MAK: variants seen among roughly 807,000 people sequenced by gnomAD.
MAK encodes serine/threonine-protein kinase MAK.
Under a neutral mutation model 82.6 loss-of-function variants are expected in MAK, and 65 were observed. The ratio of observed to expected loss-of-function variants is 0.79; its 90% CI spans 0.64 to 0.97. The LOEUF (loss-of-function observed/expected upper bound fraction) is 0.97. MAK is among the 50% of genes least tolerant of loss of function. The probability of loss-of-function intolerance (pLI) is 0.00; values close to 1 mark genes in which losing one functional copy is unlikely to be tolerated. For missense variants in MAK, 703 were observed against 780.2 expected (o/e 0.90, Z 1.18); for synonymous variants, 250 against 274.2 (o/e 0.91, Z 0.87).
At chr6:10,771,655 A>G (rs542719058) in intron 13 of MAK, among the ~76,000 whole-genome samples, 1 of 152,360 alleles carries the variant, frequency 6.6e-6, no homozygotes, top group Admixed American at 6.5e-5. Flanking sequence ...CTCTCACGGC[A>G]TATCAGGCTT....
chr6:10,791,580 T>C (rs1298558785), intron 10 of MAK, 95 bp downstream of exon 10: 26 of 1,222,386 alleles, frequency 2.1e-5, no homozygotes, highest in Non-Finnish European at 3.5e-6. Context: ...TAAGCAAACT[T>C]TTCTTCTTTT....
At chr6:10,781,307 A>G (rs372051588) in intron 11 of MAK, among the ~76,000 whole-genome samples, 14 of 152,304 alleles carry the variant, frequency 9.2e-5, no homozygotes, top group African/African-American at 3.4e-4. Context: ...TCTCACTTTC[A>G]AGAATCAAAG....
intron 10 of MAK, among the ~76,000 whole-genome samples, chr6:10,785,241 G>A (rs1028965456): frequency 6.6e-6 from 1 of 152,116 alleles, no homozygotes; most frequent in African/African-American, 2.4e-5. Context: ...GCTTAGTTCT[G>A]TCTCATTCCC....
chr6:10,837,689 C>T (rs1779240128), intron 1 of MAK, among the ~76,000 whole-genome samples: 1 of 152,230 alleles, frequency 6.6e-6, no homozygotes, highest in Admixed American at 6.5e-5. Context: ...TTGCATACAG[C>T]TCTTTCCTTG....
chr6:10,803,983 C>T, intron 6 of MAK, 92 bp from the exon 7 acceptor site: 2 of 1,081,268 alleles, frequency 1.8e-6, no homozygotes, highest in Non-Finnish European at 2.8e-6. Context: ...CATGCATTTC[C>T]ATCAAGGAAC....
chr6:10,765,021 G>A (rs145383524), intron 14 of MAK, among the ~76,000 whole-genome samples: 252 of 151,784 alleles, frequency 1.7e-3, no homozygotes, highest in African/African-American at 5.6e-3. Context: ...ACTTGAACCC[G>A]GGAGGCAGTG....
chr6:10,837,670 T>C (rs1262242090), intron 1 of MAK, among the ~76,000 whole-genome samples: 1 of 152,264 alleles, frequency 6.6e-6, no homozygotes, highest in Admixed American at 6.5e-5. Flanking sequence ...AACGATTATC[T>C]AACCACATTT....
intron 6 of MAK, among the ~76,000 whole-genome samples, chr6:10,806,263 C>T (rs1561977638): frequency 6.6e-6 from 1 of 151,828 alleles, no homozygotes; most frequent in African/African-American, 2.4e-5. Flanking sequence ...CAACCTCCAC[C>T]TCCCGGGTTC....
chr6:10,789,726 C>T (rs755619671), intron 10 of MAK, among the ~76,000 whole-genome samples: 1 of 152,316 alleles, frequency 6.6e-6, no homozygotes, highest in Non-Finnish European at 1.5e-5. Flanking sequence ...GGCACAATCT[C>T]GGCTCACCAC....
intron 5 of MAK, 28 bp downstream of exon 5, chr6:10,813,616 A>T: frequency 8.3e-7 from 1 of 1,203,870 alleles, no homozygotes; most frequent in Non-Finnish European, 1.2e-6. Context: ...CTAAAGAGGT[A>T]GGGAAATTAA....
chr6:10,772,321 C>T (rs1350847082), intron 13 of MAK, among the ~76,000 whole-genome samples: 1 of 151,800 alleles, frequency 6.6e-6, no homozygotes, highest in Non-Finnish European at 1.5e-5. Flanking sequence ...CTCTATTAAC[C>T]CAGTTAACCT....
intron 12 of MAK, among the ~76,000 whole-genome samples, chr6:10,774,478 G>T (rs1460533778): frequency 2.0e-5 from 3 of 152,042 alleles, no homozygotes; most frequent in Non-Finnish European, 4.4e-5. Flanking sequence ...TTTGGAGACA[G>T]AAGCATTAAG....
At chr6:10,773,185 G>C (rs1341293152) in intron 12 of MAK, 77 bp from the exon 13 acceptor site, 2 of 777,610 alleles carry the variant, frequency 2.6e-6, no homozygotes, top group Non-Finnish European at 3.9e-6. Context: ...AAATGGATTA[G>C]ATGATTAATG....
At chr6:10,813,005 T>TCC (rs60266470) in intron 5 of MAK, among the ~76,000 whole-genome samples, 15 of 115,882 alleles carry the variant, frequency 1.3e-4, no homozygotes, top group East Asian at 1.2e-3. Context: ...CCTAAGGTGA[T>TCC]CCCCCCCCCC....
At chr6:10,810,097 C>CAAAAA (rs1289360594) in intron 5 of MAK, among the ~76,000 whole-genome samples, 13 of 35,748 alleles carry the variant, frequency 3.6e-4, no homozygotes, top group Non-Finnish European at 5.0e-4. Flanking sequence ...GACACTGTCT[C>CAAAAA]AAAAAAAAAA....
Position 10,779,294 on chromosome 6 carries a change from A to G in MAK, c.1466-3835T>C, listed in dbSNP as rs560239217. 3.1e-6 allele frequency: 3 copies of G among 971,624 alleles called. No homozygotes were observed. The South Asian group carries it at 1.4e-4, about 46-fold the overall frequency. The allele number at this position is 971,624 out of a possible 1,614,324, so 60.2% of individuals were successfully genotyped here. ...TCAATTGCATACTGTATTTGCAACT[A>G]TCTTGTGATAATTAAAGTACCTAAG... On this transcript the variant is annotated intron_variant, in intron 11 of 14. Coordinates refer to ENST00000354489, the MANE Select transcript of MAK (RefSeq NM_001242957.3).
chr6:10,767,687 G>C (rs1772572999), intron 14 of MAK, among the ~76,000 whole-genome samples: 1 of 151,856 alleles, frequency 6.6e-6, no homozygotes, highest in African/African-American at 2.4e-5. Flanking sequence ...TACTCCGGAG[G>C]CTGAGGCAGG....
chr6:10,812,241 G>T (rs1184408312), intron 5 of MAK, among the ~76,000 whole-genome samples: 1 of 152,030 alleles, frequency 6.6e-6, no homozygotes, highest in Non-Finnish European at 1.5e-5. Context: ...TACAGGATGA[G>T]ACATGAAGGG....
intron 5 of MAK, among the ~76,000 whole-genome samples, chr6:10,811,318 T>C (rs994622471): frequency 1.3e-5 from 2 of 152,270 alleles, no homozygotes; most frequent in Admixed American, 1.3e-4. Flanking sequence ...TTTTAAAATA[T>C]CTATTTCTTG....
Sources: gnomAD v4.1 joint callset for allele counts (sites outside exome capture counted in the v4.1 genomes callset) on GRCh38, gnomAD v4.1.1 for gene constraint, MANE v1.5 for transcripts, NCBI Gene and HGNC (gene_info 2026-07-23, HGNC 2026-07-21) for gene names.